KCNQ5: variants seen among roughly 807,000 people sequenced by gnomAD.
KCNQ5 encodes the protein potassium voltage-gated channel subfamily KQT member 5.
Under a neutral mutation model 98.2 loss-of-function variants are expected in KCNQ5, and 30 were observed. The observed-to-expected ratio is 0.31, with a 90% CI of 0.23 to 0.41. The LOEUF is 0.41. Ranked by LOEUF, KCNQ5 falls within the 10% of genes least tolerant of loss-of-function variation. KCNQ5 has a pLI of 1.00. For synonymous variants in KCNQ5, 458 were observed against 449.4 expected (o/e 1.02, Z -0.24); for missense variants, 835 against 1,182.5 (o/e 0.71, Z 4.31).
chr6:72,839,442 T>A (rs1776687929), intron 1 of KCNQ5, among the ~76,000 whole-genome samples: 1 of 152,226 alleles, frequency 6.6e-6, no homozygotes, highest in African/African-American at 2.4e-5. Flanking sequence ...GTAGATCGTG[T>A]TTTCCTGGCT....
intron 1 of KCNQ5, among the ~76,000 whole-genome samples, chr6:72,861,827 T>TAAA (rs34487550): frequency 2.2e-4 from 33 of 147,200 alleles, no homozygotes; most frequent in South Asian, 4.3e-4. Context: ...TAAAGTATAA[T>TAAA]AAAAAAAAAA....
chr6:73,171,034 T>A (rs879896148), intron 11 of KCNQ5, among the ~76,000 whole-genome samples: 1 of 152,198 alleles, frequency 6.6e-6, no homozygotes, highest in Non-Finnish European at 1.5e-5. Context: ...CTTACTTCTG[T>A]TTTTAGTTGG....
intron 10 of KCNQ5, among the ~76,000 whole-genome samples, chr6:73,150,500 TTAA>T (rs1414250774): frequency 7.4e-6 from 1 of 134,850 alleles, no homozygotes; most frequent in Non-Finnish European, 1.5e-5. Context: ...ATATAATATA[TTAA>T]TATATTGCAT....
chr6:73,121,846 A>T (rs1406459437), intron 8 of KCNQ5, among the ~76,000 whole-genome samples: 1 of 152,348 alleles, frequency 6.6e-6, no homozygotes, highest in Admixed American at 6.5e-5. Flanking sequence ...AAAGAGAAGG[A>T]CAAGAGTTGG....
At chr6:72,690,249 G>A (rs1768148606) in intron 1 of KCNQ5, among the ~76,000 whole-genome samples, 1 of 152,028 alleles carries the variant, frequency 6.6e-6, no homozygotes, top group Non-Finnish European at 1.5e-5. Flanking sequence ...AAACAAAAAA[G>A]AAAAGAAAAA....
intron 3 of KCNQ5, among the ~76,000 whole-genome samples, chr6:73,043,456 G>A (rs1044094162): frequency 6.6e-6 from 1 of 152,158 alleles, no homozygotes; most frequent in Non-Finnish European, 1.5e-5. Flanking sequence ...TCCAAGCCTT[G>A]CAGGTTCATA....
chr6:72,962,225 A>G (rs1221393318), intron 1 of KCNQ5, among the ~76,000 whole-genome samples: 3 of 141,448 alleles, frequency 2.1e-5, no homozygotes, highest in Admixed American at 7.2e-5. Flanking sequence ...ATACACACAT[A>G]TATATATATA....
chr6:72,981,642 T>C (rs1429469388), intron 1 of KCNQ5, among the ~76,000 whole-genome samples: 1 of 152,190 alleles, frequency 6.6e-6, no homozygotes, highest in Non-Finnish European at 1.5e-5. Flanking sequence ...GAAGGGTTTT[T>C]TGTGTCTCTA....
intron 1 of KCNQ5, among the ~76,000 whole-genome samples, chr6:72,664,798 C>T (rs898937332): frequency 3.3e-5 from 5 of 152,218 alleles, no homozygotes; most frequent in East Asian, 1.9e-4. Flanking sequence ...AAGGCCATCA[C>T]TCAAAGGAAT....
At chr6:72,922,812 T>TTTTCTTC (rs1317734431) in intron 1 of KCNQ5, among the ~76,000 whole-genome samples, 1 of 126,784 alleles carries the variant, frequency 7.9e-6, no homozygotes, top group African/African-American at 3.4e-5. Flanking sequence ...TTCTTTTTCT[T>TTTTCTTC]TTTTTTTTTT....
chr6:72,645,986 C>G (rs1428095716), intron 1 of KCNQ5, among the ~76,000 whole-genome samples: 1 of 151,886 alleles, frequency 6.6e-6, no homozygotes, highest in Non-Finnish European at 1.5e-5. Flanking sequence ...ATGTACTGTG[C>G]CCCTAGTTAA....
intron 1 of KCNQ5, among the ~76,000 whole-genome samples, chr6:72,908,958 C>T (rs1779811187): frequency 6.6e-6 from 1 of 152,054 alleles, no homozygotes; most frequent in Admixed American, 6.6e-5. Flanking sequence ...GCAAAAAATG[C>T]ATCTAATTTT....
chr6:73,024,612 T>C (rs1246636462), intron 2 of KCNQ5, among the ~76,000 whole-genome samples: 1 of 152,220 alleles, frequency 6.6e-6, no homozygotes, highest in Non-Finnish European at 1.5e-5. Flanking sequence ...AATTTGACTC[T>C]AGCCAGAGCC....
intron 10 of KCNQ5, chr6:73,143,460 G>A (rs756310357): frequency 6.6e-6 from 1 of 152,284 alleles, no homozygotes; most frequent in East Asian, 1.9e-4. Context: ...CGAGAAAAGT[G>A]CTACCCGCTG....
intron 1 of KCNQ5, among the ~76,000 whole-genome samples, chr6:72,947,457 T>C (rs186541637): frequency 2.9e-3 from 435 of 152,284 alleles, no homozygotes; most frequent in Non-Finnish European, 5.0e-3. Context: ...TCATTTTCCA[T>C]TTTAACTACT....
intron 1 of KCNQ5, among the ~76,000 whole-genome samples, chr6:72,948,582 T>C (rs995969090): frequency 6.6e-6 from 1 of 152,150 alleles, no homozygotes; most frequent in South Asian, 2.1e-4. Flanking sequence ...ATTGATTTTA[T>C]AGTATTTTTC....
chr6:72,639,950 G>A (rs1399852076), intron 1 of KCNQ5, among the ~76,000 whole-genome samples: 1 of 151,772 alleles, frequency 6.6e-6, no homozygotes, highest in East Asian at 1.9e-4. Flanking sequence ...AGTTTAGGTT[G>A]GTTAAAAAAA....
chr6:72,766,151 G>A (rs1270506759), intron 1 of KCNQ5, among the ~76,000 whole-genome samples: 1 of 152,016 alleles, frequency 6.6e-6, no homozygotes, highest in Non-Finnish European at 1.5e-5. Flanking sequence ...GAGGGAGCAA[G>A]CATTGCAGTT....
chr6:72,783,579 C>T (rs4707990), intron 1 of KCNQ5, among the ~76,000 whole-genome samples: 83,941 of 151,936 alleles, frequency 0.55, 23,399 homozygotes, highest in Middle Eastern at 0.62. Flanking sequence ...ACAAGAGAGG[C>T]TTATTTCACC....
Sources: gnomAD v4.1 joint callset for allele counts (sites outside exome capture counted in the v4.1 genomes callset) on GRCh38, gnomAD v4.1.1 for gene constraint, MANE v1.5 for transcripts, NCBI Gene and HGNC (gene_info 2026-07-23, HGNC 2026-07-21) for gene names.